Variants in CCSER1 observed in about 807,000 individuals in gnomAD.
CCSER1 encodes coiled-coil serine rich protein 1.
CCSER1 carries 41 observed loss-of-function variants against 82.0 expected under a neutral mutation model. The ratio of observed to expected loss-of-function variants is 0.50; its 90% CI spans 0.39 to 0.65. The LOEUF (loss-of-function observed/expected upper bound fraction) is 0.65. Among genes scored for constraint, CCSER1 ranks in the 30% least tolerant of loss-of-function variants. The pLI is 0.00. For synonymous variants in CCSER1, 414 were observed against 383.9 expected (o/e 1.08, Z -0.92); for missense variants, 1,119 against 1,064.2 (o/e 1.05, Z -0.72).
chr4:90,785,239 T>C (rs1010664069), intron 7 of CCSER1, among the ~76,000 whole-genome samples: 6 of 152,086 alleles, frequency 3.9e-5, no homozygotes, highest in Non-Finnish European at 8.8e-5. Flanking sequence ...GGTTTCACCA[T>C]GTTGTCCAGG....
intron 3 of CCSER1, among the ~76,000 whole-genome samples, chr4:90,379,728 G>A (rs1488383021): frequency 1.3e-5 from 2 of 152,118 alleles, no homozygotes; most frequent in African/African-American, 4.8e-5. Context: ...TAAGAAATGG[G>A]AGATTGTGTT....
intron 10 of CCSER1, among the ~76,000 whole-genome samples, chr4:91,106,765 TCTTTA>T (rs1238795385): frequency 6.6e-6 from 1 of 152,190 alleles, no homozygotes; most frequent in Non-Finnish European, 1.5e-5. Context: ...CTAGATAGCC[TCTTTA>T]CTTTTTTTGT....
chr4:91,157,071 TAG>T (rs540193038), intron 10 of CCSER1, among the ~76,000 whole-genome samples: 10 of 151,992 alleles, frequency 6.6e-5, no homozygotes, highest in African/African-American at 9.7e-5. Flanking sequence ...TAATCTGTGC[TAG>T]AGTCTTGTGC....
In CCSER1 at chr4:91,501,740, A is replaced by G. The variant is rs200113800; in HGVS notation, c.2218-96832A>G. ...TTCATCATTTGTGTTAGATAACAAC[A>G]TCAACAAGAAACTACTAACTAAATT... On this transcript the variant is annotated intron_variant, in intron 10 of 10. Transcript: ENST00000509176. 2.7e-4 allele frequency among the ~76,000 whole-genome samples: 41 copies of G among 152,270 alleles called. No homozygotes were observed. In the East Asian group the frequency reaches 3.9e-3, roughly 14 times the overall value.
At chr4:90,710,902 G>A (rs138866338) in intron 6 of CCSER1, among the ~76,000 whole-genome samples, 1 of 151,910 alleles carries the variant, frequency 6.6e-6, no homozygotes. Flanking sequence ...AGCATTGAAT[G>A]TATAAACTAC....
chr4:91,104,418 C>A (rs1053719653), intron 10 of CCSER1, among the ~76,000 whole-genome samples: 1 of 152,162 alleles, frequency 6.6e-6, no homozygotes, highest in South Asian at 2.1e-4. Flanking sequence ...TCACCCCTGG[C>A]AGCCCAGCTG....
chr4:90,840,550 G>A (rs1762451048), intron 8 of CCSER1, among the ~76,000 whole-genome samples: 2 of 152,112 alleles, frequency 1.3e-5, no homozygotes. Flanking sequence ...AGACCGCCCT[G>A]CATTTCAGCA....
At chr4:91,378,918 A>T (rs1750653305) in intron 10 of CCSER1, among the ~76,000 whole-genome samples, 1 of 152,174 alleles carries the variant, frequency 6.6e-6, no homozygotes, top group African/African-American at 2.4e-5. Flanking sequence ...ATTTTGAGAT[A>T]TGTCCCATCA....
intron 5 of CCSER1, among the ~76,000 whole-genome samples, chr4:90,584,186 T>C (rs946751591): frequency 2.6e-5 from 4 of 152,046 alleles, no homozygotes; most frequent in Non-Finnish European, 5.9e-5. Flanking sequence ...TCTCAAATCA[T>C]TGATCTCAAC....
chr4:90,494,128 A>C (rs760453312), intron 5 of CCSER1, among the ~76,000 whole-genome samples: 3 of 152,216 alleles, frequency 2.0e-5, no homozygotes, highest in African/African-American at 7.2e-5. Flanking sequence ...GTCTTGGATA[A>C]AACAGACTTT....
At chr4:91,411,094 T>C (rs557937474) in intron 10 of CCSER1, among the ~76,000 whole-genome samples, 109 of 152,090 alleles carry the variant, frequency 7.2e-4, no homozygotes, top group African/African-American at 2.6e-3. Flanking sequence ...ATAATATAGA[T>C]TTTAGAAATT....
intron 9 of CCSER1, among the ~76,000 whole-genome samples, chr4:91,038,627 A>C (rs1741659083): frequency 6.6e-6 from 1 of 152,170 alleles, no homozygotes; most frequent in South Asian, 2.1e-4. Flanking sequence ...TTCCAATCTA[A>C]GTATTTCTTT....
At chr4:91,141,660 G>A (rs955390628) in intron 10 of CCSER1, among the ~76,000 whole-genome samples, 9 of 152,070 alleles carry the variant, frequency 5.9e-5, no homozygotes, top group Admixed American at 5.2e-4. Flanking sequence ...TGTGACTGCT[G>A]GGTTGAGTGG....
intron 9 of CCSER1, among the ~76,000 whole-genome samples, chr4:90,937,120 C>T (rs1421711598): frequency 1.3e-5 from 2 of 151,868 alleles, no homozygotes; most frequent in African/African-American, 2.4e-5. Context: ...AATTTCACAC[C>T]GTATTAAGGG....
At chr4:91,514,625 C>CA (rs34607829) in intron 10 of CCSER1, among the ~76,000 whole-genome samples, 87,929 of 151,686 alleles carry the variant, frequency 0.58, 25,798 homozygotes, top group Non-Finnish European at 0.63. Context: ...AATCTGGGTT[C>CA]AAAAATAGAT....
At chr4:91,009,914 A>G (rs1338384182) in intron 9 of CCSER1, among the ~76,000 whole-genome samples, 1 of 152,166 alleles carries the variant, frequency 6.6e-6, no homozygotes, top group East Asian at 1.9e-4. Flanking sequence ...TATACTAAAG[A>G]TATATATACT....
chr4:90,902,575 T>C (rs1310422211), intron 8 of CCSER1, among the ~76,000 whole-genome samples: 2 of 151,982 alleles, frequency 1.3e-5, no homozygotes, highest in African/African-American at 4.8e-5. Context: ...TCTGTTTGGG[T>C]TCCTTATTTG....
At chr4:90,770,720 T>C (rs773929009) in intron 7 of CCSER1, among the ~76,000 whole-genome samples, 8 of 152,162 alleles carry the variant, frequency 5.3e-5, no homozygotes, top group Admixed American at 6.5e-5. Flanking sequence ...TCTCTCTCAC[T>C]ACAATGCTTC....
intron 4 of CCSER1, among the ~76,000 whole-genome samples, chr4:90,455,017 T>C (rs1397137450): frequency 6.6e-6 from 1 of 152,122 alleles, no homozygotes; most frequent in Non-Finnish European, 1.5e-5. Context: ...CCAATGGAGG[T>C]ACCTCTGGGG....
Sources: gnomAD v4.1 joint callset for allele counts (sites outside exome capture counted in the v4.1 genomes callset) on GRCh38, gnomAD v4.1.1 for gene constraint, MANE v1.5 for transcripts, NCBI Gene and HGNC (gene_info 2026-07-23, HGNC 2026-07-21) for gene names.